NDUFS4: variants seen among roughly 807,000 people sequenced by gnomAD.
The protein encoded by NDUFS4 is NADH:ubiquinone oxidoreductase subunit S4.
Under a neutral mutation model 24.3 loss-of-function variants are expected in NDUFS4, and 28 were observed. That is an observed-to-expected ratio of 1.15 (90% CI 0.85 to 1.58). The LOEUF is 1.58. Among genes scored for constraint, NDUFS4 ranks in the 40% most tolerant of loss-of-function variants. The pLI, the probability that NDUFS4 is intolerant of heterozygous loss-of-function variation, is 0.00. For synonymous variants in NDUFS4, 93 were observed against 69.7 expected (o/e 1.34, Z -1.67); for missense variants, 223 against 207.9 (o/e 1.07, Z -0.45).
chr5:53,567,909 ACTTTT>A lies in NDUFS4; in HGVS notation c.98+7157_98+7161del, dbSNP rs1429619984. Reference sequence around the variant, plus strand: ...TATATTTAATATATGAGCTCTTGTGACTTTTCTTTTCTAGCTTGTAGAAGTCCATA... The same window carrying A: ...TATATTTAATATATGAGCTCTTGTGACTTTTCTAGCTTGTAGAAGTCCATA... On this transcript the variant is annotated intron_variant, in intron 1 of 4. Coordinates refer to ENST00000296684, the MANE Select transcript of NDUFS4 (RefSeq NM_002495.4). 3.7e-4 allele frequency among the ~76,000 whole-genome samples: 57 copies of A among 152,258 alleles called. 2 individuals are homozygous for A. The highest frequency in any genetic ancestry group is 3.5e-3 in the Admixed American group (53 of 15,302).
At chr5:53,569,051 T>C (rs995787995) in intron 1 of NDUFS4, among the ~76,000 whole-genome samples, 1 of 152,192 alleles carries the variant, frequency 6.6e-6, no homozygotes, top group African/African-American at 2.4e-5. Context: ...CATATGCTTC[T>C]CCTAAAAATG....
At chr5:53,657,580 T>TGA (rs1752200473) in intron 3 of NDUFS4, among the ~76,000 whole-genome samples, 1 of 152,186 alleles carries the variant, frequency 6.6e-6, no homozygotes, top group African/African-American at 2.4e-5. Flanking sequence ...TATTCACCTC[T>TGA]GAGAGATTCA....
intron 2 of NDUFS4, among the ~76,000 whole-genome samples, chr5:53,635,324 C>T (rs1410374765): frequency 6.7e-6 from 1 of 148,876 alleles, no homozygotes; most frequent in African/African-American, 2.5e-5. Flanking sequence ...CCAGCCTAGG[C>T]AACATGGTGA....
intron 1 of NDUFS4, among the ~76,000 whole-genome samples, chr5:53,596,065 C>G (rs186279758): frequency 6.6e-6 from 1 of 152,114 alleles, no homozygotes; most frequent in Admixed American, 6.5e-5. Flanking sequence ...CTATTGTTTT[C>G]TCTAATTTAA....
intron 4 of NDUFS4, among the ~76,000 whole-genome samples, chr5:53,664,233 A>G (rs1579933756): frequency 6.6e-6 from 1 of 152,150 alleles, no homozygotes; most frequent in African/African-American, 2.4e-5. Flanking sequence ...TTTGTGGGTA[A>G]CCCGACCTTT....
chr5:53,637,883 T>C (rs1003456564), intron 2 of NDUFS4, among the ~76,000 whole-genome samples: 44 of 152,220 alleles, frequency 2.9e-4, no homozygotes, highest in African/African-American at 8.9e-4. Context: ...TTAATCCCCT[T>C]GAAGATGAGG....
intron 1 of NDUFS4, among the ~76,000 whole-genome samples, chr5:53,583,408 A>G (rs371558859): frequency 6.6e-6 from 1 of 152,194 alleles, no homozygotes; most frequent in Admixed American, 6.5e-5. Flanking sequence ...TTAGAACTCT[A>G]AAGTTGTTCA....
At chr5:53,602,681 T>A (rs1325522364) in intron 1 of NDUFS4, among the ~76,000 whole-genome samples, 1 of 152,204 alleles carries the variant, frequency 6.6e-6, no homozygotes, top group East Asian at 1.9e-4. Flanking sequence ...GCCACAGTTG[T>A]GTATACTTAC....
At chr5:53,650,060 A>G (rs897239659) in intron 3 of NDUFS4, among the ~76,000 whole-genome samples, 1 of 152,170 alleles carries the variant, frequency 6.6e-6, no homozygotes, top group African/African-American at 2.4e-5. Flanking sequence ...TATAAGGAAA[A>G]AATTTGTCCC....
intron 1 of NDUFS4, chr5:53,573,655 C>T (rs1047147519): frequency 2.3e-6 from 1 of 442,940 alleles, no homozygotes; most frequent in Non-Finnish European, 4.5e-6. Flanking sequence ...GTGGTGCAAT[C>T]ATAGCTCACT....
At chr5:53,635,115 A>AG (rs1751510473) in intron 2 of NDUFS4, among the ~76,000 whole-genome samples, 1 of 152,086 alleles carries the variant, frequency 6.6e-6, no homozygotes, top group Admixed American at 6.5e-5. Flanking sequence ...GCTTGAAGCC[A>AG]GGAGGCGGTG....
intron 1 of NDUFS4, among the ~76,000 whole-genome samples, chr5:53,586,724 C>T (rs946923067): frequency 1.3e-5 from 2 of 151,902 alleles, no homozygotes; most frequent in South Asian, 4.2e-4. Context: ...GGGGTTTCAC[C>T]GTGTTAGCCA....
chr5:53,637,131 C>G (rs750062816), intron 2 of NDUFS4, among the ~76,000 whole-genome samples: 2 of 152,152 alleles, frequency 1.3e-5, no homozygotes, highest in Non-Finnish European at 2.9e-5. Context: ...AAAAGCCTCT[C>G]GAGACTAGAA....
At chr5:53,653,952 T>G (rs1009469044) in intron 3 of NDUFS4, among the ~76,000 whole-genome samples, 1 of 152,154 alleles carries the variant, frequency 6.6e-6, no homozygotes, top group Non-Finnish European at 1.5e-5. Context: ...TGTCATGGTT[T>G]TTCAAGGGAT....
At chr5:53,663,145 T>C (rs1229041538) in intron 4 of NDUFS4, among the ~76,000 whole-genome samples, 2 of 152,236 alleles carry the variant, frequency 1.3e-5, no homozygotes, top group Non-Finnish European at 2.9e-5. Flanking sequence ...GTGAGTTTCT[T>C]AATCCTGAGT....
At chr5:53,565,585 A>G (rs1380256069) in intron 1 of NDUFS4, among the ~76,000 whole-genome samples, 4 of 152,228 alleles carry the variant, frequency 2.6e-5, no homozygotes, top group African/African-American at 9.6e-5. Flanking sequence ...TAATACCCTC[A>G]TCAGTGATAG....
At chr5:53,577,809 A>G (rs529811581) in intron 1 of NDUFS4, among the ~76,000 whole-genome samples, 3 of 152,308 alleles carry the variant, frequency 2.0e-5, no homozygotes, top group Admixed American at 1.3e-4. Flanking sequence ...TAAGGAATTC[A>G]TGATAGCAGA....
chr5:53,564,550 T>C (rs1259708399), intron 1 of NDUFS4, among the ~76,000 whole-genome samples: 1 of 152,194 alleles, frequency 6.6e-6, no homozygotes. Flanking sequence ...AAATAATTAT[T>C]ATATTTTGAG....
chr5:53,653,770 G>A (rs1438091736), intron 3 of NDUFS4, among the ~76,000 whole-genome samples: 4 of 152,086 alleles, frequency 2.6e-5, no homozygotes, highest in East Asian at 1.9e-4. Flanking sequence ...TTGGTGAAAT[G>A]TCATGATTTT....
Sources: allele counts gnomAD v4.1 joint callset (sites outside exome capture counted in the v4.1 genomes callset), GRCh38; gene constraint gnomAD v4.1.1; transcripts MANE v1.5; gene names NCBI Gene and HGNC (gene_info 2026-07-23, HGNC 2026-07-21).